The following HUWE1 variants were observed in gnomAD, a reference collection of about 807,000 sequenced individuals.
The protein encoded by HUWE1 is HECT, UBA and WWE domain containing E3 ubiquitin protein ligase 1.
HUWE1 carries 18 observed loss-of-function variants against 299.4 expected under a neutral mutation model. The ratio of observed to expected loss-of-function variants is 0.06; its 90% CI spans 0.04 to 0.09. HUWE1 has a LOEUF of 0.09. Among genes scored for constraint, HUWE1 ranks in the 10% least tolerant of loss-of-function variants. The probability of loss-of-function intolerance (pLI) is 1.00; values close to 1 mark genes in which losing one functional copy is unlikely to be tolerated. For synonymous variants in HUWE1, 1,317 were observed against 1,286.1 expected (o/e 1.02, Z -0.51); for missense variants, 1,832 against 3,462.3 (o/e 0.53, Z 11.82).
chrX:53,606,618 A>C (rs1469133836), intron 25 of HUWE1, among the ~76,000 whole-genome samples: 1 of 112,192 alleles, frequency 8.9e-6, no homozygotes, highest in African/African-American at 3.2e-5. Flanking sequence ...AATGTGGTAT[A>C]TACACACAAT....
rs1557041800 is a variant in HUWE1, at chrX:53,654,157, G to T, written c.-24-26C>A. On this transcript the variant is annotated intron_variant, in intron 3 of 83. Coordinates refer to ENST00000262854, the MANE Select transcript of HUWE1 (RefSeq NM_031407.7). ...CTGAAAAAAGAAAATCCCAAAAGAA[G>T]TGAGAACTTAAAGCTACAATCTTGA... The T allele has an allele frequency of 3.3e-6, 3 of 919,914 alleles. No homozygotes were observed. In the Admixed American group the frequency reaches 7.1e-5, roughly 22 times the overall value. The allele number at this position is 919,914 out of a possible 1,213,427, so 75.8% of individuals were successfully genotyped here. A position where few individuals can be genotyped will look rare whatever the true frequency, so the allele number is the denominator to read the frequency against.
At chrX:53,585,475 TG>T (rs1349522341) in intron 39 of HUWE1, among the ~76,000 whole-genome samples, 1 of 111,641 alleles carries the variant, frequency 9.0e-6, no homozygotes, top group East Asian at 2.8e-4. Flanking sequence ...TATTAGGTCA[TG>T]GGGACTCCGC....
chrX:53,579,609 ATTC>A (rs1244267006), intron 43 of HUWE1, among the ~76,000 whole-genome samples: 1 of 103,275 alleles, frequency 9.7e-6, no homozygotes, highest in African/African-American at 3.5e-5. Flanking sequence ...ACTAAGAAAA[ATTC>A]TTCTGCCTTG....
chrX:53,572,414 T>C (rs2147931067), intron 47 of HUWE1, among the ~76,000 whole-genome samples: 1 of 111,981 alleles, frequency 8.9e-6, no homozygotes, highest in South Asian at 3.7e-4. Flanking sequence ...TTTTTCTATG[T>C]ATATTAAACT....
chrX:53,618,614 G>A (rs1318684080), intron 19 of HUWE1, among the ~76,000 whole-genome samples: 1 of 105,802 alleles, frequency 9.5e-6, no homozygotes, highest in African/African-American at 3.5e-5. Flanking sequence ...GCCCAGGCTG[G>A]AGTACAGTGG....
intron 23 of HUWE1, among the ~76,000 whole-genome samples, chrX:53,612,127 T>C (rs1303285813): frequency 1.8e-5 from 2 of 111,927 alleles, no homozygotes; most frequent in African/African-American, 6.5e-5. Context: ...TTGCTGTTAA[T>C]ATATTGTGGT....
intron 50 of HUWE1, 82 bp downstream of exon 50, chrX:53,564,985 C>T: frequency 9.6e-7 from 1 of 1,042,723 alleles, no homozygotes; most frequent in East Asian, 3.0e-5. Flanking sequence ...CAGGGAAACA[C>T]CACCAAGCCA....
chrX:53,564,484 A>G (rs1161143404), intron 51 of HUWE1, 90 bp downstream of exon 51: 2 of 1,038,281 alleles, frequency 1.9e-6, no homozygotes, highest in Non-Finnish European at 2.6e-6. Flanking sequence ...CATTGAGGCA[A>G]GGATCTAAAG....
intron 2 of HUWE1, among the ~76,000 whole-genome samples, chrX:53,681,922 C>T (rs1265845720): frequency 9.0e-6 from 1 of 111,354 alleles, no homozygotes; most frequent in Admixed American, 9.5e-5. Context: ...ATAGTGATTA[C>T]GCACTGAAAT....
rs193111386 is a variant in HUWE1 at position 53,649,301 on chromosome X, A to G, written c.46-991T>C. Among the ~76,000 whole-genome samples, 236 of 112,163 alleles carry G rather than the reference A, an allele frequency of 2.1e-3. 1 individual carries two copies. The highest frequency in any genetic ancestry group is 7.4e-3 in the African/African-American group (229 of 30,865). On this transcript the variant is annotated intron_variant, in intron 4 of 83. Transcript: ENST00000262854. ...TATCTCCCATTACAGGAGCTTAAAT[A>G]TTCAGAGACAGCATACTATTAAAAA...
chrX:53,555,660 GAGAC>G (rs1477335145), intron 60 of HUWE1, among the ~76,000 whole-genome samples: 7 of 69,297 alleles, frequency 1.0e-4, no homozygotes, highest in Admixed American at 1.9e-4. Flanking sequence ...TTTTTTTCCT[GAGAC>G]AGAGTCTTGC....
Position 53,560,329 on chromosome X carries a change from C to T in HUWE1, c.7595G>A (p.Ser2532Asn), listed in dbSNP as rs782416227. The T allele has an allele frequency of 2.7e-5, 33 of 1,211,882 alleles. No homozygotes were observed. The highest frequency in any genetic ancestry group is 3.7e-5 in the Non-Finnish European group (33 of 895,515). The change falls in exon 56 of 84, where the codon AGT becomes AAT. Residue 2532 changes from serine to asparagine, a missense_variant. Ser to Asn is a conservative substitution (Grantham distance 46). Transcript: ENST00000262854. ...GGTGAGACGAGTTGTTGAAGAGCCA[C>T]TGCCCAGTGTCAGAGAACTGTGGTC... The part of the protein sequence containing the change: ...HADHSSLTLG[S>N]GSSTTRLTQG...
chrX:53,578,752 T>C (rs868991457), intron 43 of HUWE1, among the ~76,000 whole-genome samples: 1 of 47,444 alleles, frequency 2.1e-5, no homozygotes, highest in Non-Finnish European at 3.8e-5. Flanking sequence ...CCGCCCCTAC[T>C]GGGAAGTGAG....
chrX:53,590,972 G>GA (rs782651943), intron 34 of HUWE1, 28 bp downstream of exon 34: 1 of 1,208,139 alleles, frequency 8.3e-7, no homozygotes, highest in East Asian at 3.0e-5. Flanking sequence ...CAATATCCTG[G>GA]AAAATCACTG....
chrX:53,648,448 CCAGA>C, intron 4 of HUWE1, 138 bp from the exon 5 acceptor site: 1 of 460,475 alleles, frequency 2.2e-6, no homozygotes, highest in Non-Finnish European at 3.9e-6. Context: ...ACGAGATGTG[CCAGA>C]CAATCTCTTG....
chrX:53,634,177 G>A (rs1363232601), intron 8 of HUWE1, 59 bp downstream of exon 8: 12 of 887,013 alleles, frequency 1.4e-5, no homozygotes, highest in Non-Finnish European at 2.0e-5. Context: ...TGTAAAGTAA[G>A]GTTCACAGAG....
Position 53,616,995 on chromosome X carries a change from C to T in HUWE1, c.1932G>A (p.Arg644=). 8.3e-7 allele frequency: 1 copy of T among 1,210,738 alleles called. No individual in the cohort carries two copies. Among genetic ancestry groups the T allele is most frequent in the Non-Finnish European group, 1.1e-6 (1 of 894,739 alleles). The change falls in exon 21 of 84, where the codon CGG becomes CGA. Residue 644 remains arginine, a synonymous_variant. Coordinates refer to ENST00000262854, the MANE Select transcript of HUWE1 (RefSeq NM_031407.7). ...CAAGGGGATCAGAACTTCTCCTCCT[C>T]CGCATGGCTGGGAGGTAATCTGGAG... ...LLSPDYLPAM[R]RRRSSDPLGD...
At chrX:53,657,011 C>T (rs1557043309) in intron 3 of HUWE1, among the ~76,000 whole-genome samples, 1 of 111,406 alleles carries the variant, frequency 9.0e-6, no homozygotes, top group African/African-American at 3.3e-5. Context: ...AGATGAACTT[C>T]GACCTAAGCC....
Position 53,558,687 on chromosome X carries a change from C to G in HUWE1, c.8128G>C (p.Glu2710Gln). The G allele has an allele frequency of 8.3e-7, 1 of 1,211,039 alleles. No individual in the cohort carries two copies. The highest frequency in any genetic ancestry group is 1.1e-6 in the Non-Finnish European group (1 of 894,733). The change falls in exon 59 of 84, where the codon GAA becomes CAA. Residue 2710 changes from glutamate to glutamine, a missense_variant. Glu to Gln is a conservative substitution (Grantham distance 29, BLOSUM62 2). Transcript: ENST00000262854. Reference sequence around the variant, plus strand: ...CTCTGATCCCTGTTCTCCTTATCTTCTTTGCCTTTATCAGTTATCTTTGTT... The same window carrying G: ...CTCTGATCCCTGTTCTCCTTATCTTGTTTGCCTTTATCAGTTATCTTTGTT... ...EETKITDKGK[E>Q]DKENRDQSAQ...
Sources: gnomAD v4.1 joint callset for allele counts (sites outside exome capture counted in the v4.1 genomes callset) on GRCh38, gnomAD v4.1.1 for gene constraint, MANE v1.5 for transcripts, NCBI Gene and HGNC (gene_info 2026-07-23, HGNC 2026-07-21) for gene names.